OR1E1: variants seen among roughly 807,000 people sequenced by gnomAD.
The protein encoded by OR1E1 is olfactory receptor family 1 subfamily E member 1.
For synonymous variants in OR1E1, 125 were observed against 153.1 expected, an observed-to-expected ratio of 0.82 and a Z score of 1.36; for missense variants, 330 against 381.0, an observed-to-expected ratio of 0.87 and a Z score of 1.11.
chr17:3,398,060 G>T lies in OR1E1; in HGVS notation c.351C>A (p.Ala117=), dbSNP rs1470601904. 15 of 1,614,126 alleles carry T rather than the reference G, an allele frequency of 9.3e-6. No homozygotes were observed. Among genetic ancestry groups the T allele is most frequent in the Non-Finnish European group, 1.3e-5 (15 of 1,180,054 alleles). ...FGDLESFLLV[A]MAYDRYVAIC... ...TGGCCACATAGCGGTCATAGGCCAT[G>T]GCCACAAGGAGGAAGCTCTCCAGGT... Residue 117 remains alanine (A), a synonymous_variant, in exon 1 of 1, where the codon GCC becomes GCA. Coordinates refer to ENST00000322608, the MANE Select transcript of OR1E1 (RefSeq NM_003553.3).
In OR1E1 at chr17:3,398,149, G is replaced by T; in HGVS notation, c.262C>A (p.Gln88Lys). The change falls in exon 1 of 1, where the codon CAG (glutamine) becomes AAG (lysine). Residue 88 changes from glutamine to lysine, a missense_variant. Physicochemically the swap from Gln to Lys is moderately conservative, Grantham distance 53 (BLOSUM62 1). Transcript: ENST00000322608. ...IPKLLQNMQN[Q>K]DPSIPYADCL... is the part of the protein sequence containing the mutation. ...TCCGCATAGGGGATGGATGGGTCCTGGTTCTGCATGTTCTGTAACAACTTG... is the reference window on the plus strand; with the variant it reads ...TCCGCATAGGGGATGGATGGGTCCTTGTTCTGCATGTTCTGTAACAACTTG... 1 of 1,614,222 alleles carries T rather than the reference G, an allele frequency of 6.2e-7. No homozygotes were observed. Among genetic ancestry groups the T allele is most frequent in the Non-Finnish European group, 8.5e-7 (1 of 1,180,036 alleles).
rs1286248853 is a variant in OR1E1, at chr17:3,397,440, C to T, written c.*26G>A. 2.0e-6 allele frequency: 3 copies of T among 1,486,036 alleles called. No homozygotes were observed. The highest frequency in any genetic ancestry group is 2.8e-6 in the Non-Finnish European group (3 of 1,075,450). 92.1% of individuals were successfully genotyped at this position (1,486,036 alleles called of 1,614,324 possible). A position where few individuals can be genotyped will look rare whatever the true frequency, so the allele number is the denominator to read the frequency against. ...TAATATCAATATTTTACTGGATAAA[C>T]TATGTAATAGCTCCAAGTGTTATCA... On this transcript the variant is annotated 3_prime_UTR_variant, in exon 1 of 1. Transcript: ENST00000322608.
chr17:3,397,451 C>CT lies in OR1E1; in HGVS notation c.*14dup. On this transcript the variant is annotated 3_prime_UTR_variant, in exon 1 of 1. Coordinates refer to ENST00000322608, the MANE Select transcript of OR1E1 (RefSeq NM_003553.3). ...TTTTACTGGATAAACTATGTAATAG[C>CT]TCCAAGTGTTATCATCAGAGAGAGA... 1 of 1,556,948 alleles carries CT rather than the reference C, an allele frequency of 6.4e-7. No individual in the cohort carries two copies. The highest frequency in any genetic ancestry group is 8.8e-7 in the Non-Finnish European group (1 of 1,130,788).
In OR1E1 at chr17:3,398,104, AGTACATTTGG is replaced by A. The variant is rs528310555; in HGVS notation, c.297_306del (p.Gln100SerfsTer34). On this transcript the variant is annotated frameshift_variant, in exon 1 of 1. Coordinates refer to ENST00000322608, the MANE Select transcript of OR1E1 (RefSeq NM_003553.3). LOFTEE classifies it low-confidence loss of function (END_TRUNC). ...TCCAGGTCTCCAAATAACAGGAAGA[AGTACATTTGG>A]GTCAGGCAGTCCGCATAGGGGATGG... The A allele has an allele frequency of 7.6e-5, 122 of 1,614,216 alleles. 2 individuals are homozygous for A. The South Asian group carries it at 1.2e-3, about 16-fold the overall frequency.
rs2049858094 is a variant in OR1E1 at position 3,397,988 on chromosome 17, A to C, written c.423T>G (p.Cys141Trp). 1 of 1,614,118 alleles carries C rather than the reference A, an allele frequency of 6.2e-7. No homozygotes were observed. The highest frequency in any genetic ancestry group is 1.7e-5 in the Admixed American group (1 of 60,016). ...HYTAIMSPML[C>W]LALVALSWVL... ...CCCAGGACAGCGCCACCAGGGCGAG[A>C]CAGAGCATGGGGCTCATGATGGCGG... Residue 141 changes from cysteine to tryptophan, a missense_variant, in exon 1 of 1, where the codon TGT becomes TGG. Transcript: ENST00000322608.
chr17:3,398,159 G>A lies in OR1E1; in HGVS notation c.252C>T (p.Asn84=). 6.2e-7 allele frequency: 1 copy of A among 1,614,256 alleles called. No individual in the cohort carries two copies. Among genetic ancestry groups the A allele is most frequent in the Non-Finnish European group, 8.5e-7 (1 of 1,180,042 alleles). The stretch of plus-strand genomic sequence containing the variant: ...GGATGGATGGGTCCTGGTTCTGCAT[G>A]TTCTGTAACAACTTGGGAATGGTCA... ...SSVTIPKLLQ[N]MQNQDPSIPY... is the part of the protein sequence containing the mutation. The change falls in exon 1 of 1, where the codon AAC becomes AAT. Residue 84 remains asparagine (N), a synonymous_variant. Transcript: ENST00000322608.
chr17:3,397,777 G>A lies in OR1E1; in HGVS notation c.634C>T (p.Leu212=). The A allele has an allele frequency of 1.2e-6, 2 of 1,613,940 alleles. No homozygotes were observed. Among genetic ancestry groups the A allele is most frequent in the Admixed American group, 1.7e-5 (1 of 60,020 alleles). Residue 212 remains leucine (L), a synonymous_variant, in exon 1 of 1, where the codon CTA becomes TTA. Transcript: ENST00000322608. ...CTTGCATAGGACCCAAGGATGAGTAGGAATGGGATGACAAGAATGAGCCCT... is the reference window on the plus strand; with the variant it reads ...CTTGCATAGGACCCAAGGATGAGTAAGAATGGGATGACAAGAATGAGCCCT... ...MGGLILVIPF[L]LILGSYARIV...
In OR1E1 at chr17:3,397,400, A is replaced by T; in HGVS notation, c.*66T>A. On this transcript the variant is annotated 3_prime_UTR_variant, in exon 1 of 1. Coordinates refer to ENST00000322608, the MANE Select transcript of OR1E1 (RefSeq NM_003553.3). ...AAGGATGGTGAGGAAATAATTTAGA[A>T]TAATATTCCAATATTAATATCAATA... The T allele has an allele frequency of 8.5e-7, 1 of 1,172,504 alleles. No homozygotes were observed. The highest frequency in any genetic ancestry group is 1.2e-6 in the Non-Finnish European group (1 of 837,024). The allele number at this position is 1,172,504 out of a possible 1,614,324, so 72.6% of individuals were successfully genotyped here.
In OR1E1 at chr17:3,398,256, T is replaced by C. The variant is rs1432840035; in HGVS notation, c.155A>G (p.Asp52Gly). Reference sequence around the variant, plus strand: ...ATACATAGGCGTGTGGAGATGGGAGTCCAGTCGAATGAGGACAATGATGAG... The same window carrying C: ...ATACATAGGCGTGTGGAGATGGGAGCCCAGTCGAATGAGGACAATGATGAG... ...NLLIIVLIRLDSHLHTPMYLF... is the reference protein window; with the variant it reads ...NLLIIVLIRLGSHLHTPMYLF... The change falls in exon 1 of 1, where the codon GAC (aspartate) becomes GGC (glycine). Residue 52 changes from aspartate to glycine, a missense_variant. By Grantham distance (94) the Asp-to-Gly change is moderately conservative (BLOSUM62 -1). Coordinates refer to ENST00000322608, the MANE Select transcript of OR1E1 (RefSeq NM_003553.3). 1.9e-6 allele frequency: 3 copies of C among 1,613,712 alleles called. No individual in the cohort carries two copies. The African/African-American group carries it at 4.0e-5, about 22-fold the overall frequency.
chr17:3,397,201 C>G lies in OR1E1; in HGVS notation c.*265G>C. 3.0e-6 allele frequency: 1 copy of G among 333,098 alleles called. No homozygotes were observed. Among genetic ancestry groups the G allele is most frequent in the Non-Finnish European group, 5.4e-6 (1 of 184,106 alleles). 20.6% of individuals were successfully genotyped at this position (333,098 alleles called of 1,614,324 possible). A position where few individuals can be genotyped will look rare whatever the true frequency, so the allele number is the denominator to read the frequency against. On this transcript the variant is annotated 3_prime_UTR_variant, in exon 1 of 1. Transcript: ENST00000322608. ...CCTGTGATAATTTAAGAATGTGGGGCATGAAGACCATTTAAAACAGTTGTT... is the reference window on the plus strand; with the variant it reads ...CCTGTGATAATTTAAGAATGTGGGGGATGAAGACCATTTAAAACAGTTGTT...
chr17:3,398,008 T>C lies in OR1E1; in HGVS notation c.403A>G (p.Ile135Val), dbSNP rs2049858575. The C allele has an allele frequency of 1.9e-6, 3 of 1,614,072 alleles. No homozygotes were observed. The highest frequency in any genetic ancestry group is 1.3e-5 in the African/African-American group (1 of 74,926). ...AICFPLHYTA[I>V]MSPMLCLALV... ...GCGAGACAGAGCATGGGGCTCATGA[T>C]GGCGGTGTAGTGCAGGGGGAAGCAG... The change falls in exon 1 of 1, where the codon ATC (isoleucine) becomes GTC (valine). Residue 135 changes from isoleucine to valine, a missense_variant. Transcript: ENST00000322608.
At position 3,397,808 on chromosome 17, in the gene OR1E1, G is replaced by A. The variant is rs370567870; in HGVS notation, c.603C>T (p.Ile201=). The change falls in exon 1 of 1, where the codon ATC becomes ATT. Residue 201 remains isoleucine, a synonymous_variant. Coordinates refer to ENST00000322608, the MANE Select transcript of OR1E1 (RefSeq NM_003553.3). ...GGATGACAAGAATGAGCCCTCCCATGATAAATATCACCCATTCATTAACTC... is the reference window on the plus strand; with the variant it reads ...GGATGACAAGAATGAGCCCTCCCATAATAAATATCACCCATTCATTAACTC... The part of the protein sequence containing the change: ...DTRVNEWVIF[I]MGGLILVIPF... 5 of 1,613,890 alleles carry A rather than the reference G, an allele frequency of 3.1e-6. No homozygotes were observed. The highest frequency in any genetic ancestry group is 4.2e-6 in the Non-Finnish European group (5 of 1,179,904).
rs1399252046 is a variant in OR1E1 at position 3,398,179 on chromosome 17, T to G, written c.232A>C (p.Ile78Leu). The change falls in exon 1 of 1, where the codon ATT becomes CTT. Residue 78 changes from isoleucine (I) to leucine (L), a missense_variant. Ile to Leu is a conservative substitution (Grantham distance 5). Transcript: ENST00000322608. Reference sequence around the variant, plus strand: ...TGCATGTTCTGTAACAACTTGGGAATGGTCACGGAAGAGAAGCAGAGGTCA... The same window carrying G: ...TGCATGTTCTGTAACAACTTGGGAAGGGTCACGGAAGAGAAGCAGAGGTCA... ...FSDLCFSSVT[I>L]PKLLQNMQNQ... 1.9e-6 allele frequency: 3 copies of G among 1,614,200 alleles called. No homozygotes were observed. The highest frequency in any genetic ancestry group is 2.5e-6 in the Non-Finnish European group (3 of 1,180,032).
rs2049854692 is a variant in OR1E1, at chr17:3,397,682, G to A, written c.729C>T (p.Ser243=). The part of the protein sequence containing the change: ...GICKAFSTCG[S]HLSVVSLFYG... ...AGAACAGTGACACCACAGACAGGTG[G>A]GAGCCACAAGTAGAGAAGGCCTTGC... The change falls in exon 1 of 1, where the codon TCC becomes TCT. Residue 243 remains serine, a synonymous_variant. Transcript: ENST00000322608. 2.5e-6 allele frequency: 4 copies of A among 1,613,902 alleles called. No individual in the cohort carries two copies. Among genetic ancestry groups the A allele is most frequent in the East Asian group, 4.5e-5 (2 of 44,842 alleles).
Position 3,398,169 on chromosome 17 carries a change from AACTTG to A in OR1E1, c.237_241del (p.Lys80ValfsTer40). 6.8e-6 allele frequency: 11 copies of A among 1,614,224 alleles called. No individual in the cohort carries two copies. Among genetic ancestry groups the A allele is most frequent in the Non-Finnish European group, 8.5e-6 (10 of 1,180,038 alleles). On this transcript the variant is annotated frameshift_variant, in exon 1 of 1. Transcript: ENST00000322608. LOFTEE classifies it low-confidence loss of function (END_TRUNC). ...GTCCTGGTTCTGCATGTTCTGTAAC[AACTTG>A]GGAATGGTCACGGAAGAGAAGCAGA...
In OR1E1 at chr17:3,398,077, T is replaced by C. The variant is rs776700725; in HGVS notation, c.334A>G (p.Ser112Gly). Reference sequence around the variant, plus strand: ...TAGGCCATGGCCACAAGGAGGAAGCTCTCCAGGTCTCCAAATAACAGGAAG... The same window carrying C: ...TAGGCCATGGCCACAAGGAGGAAGCCCTCCAGGTCTCCAAATAACAGGAAG... ...YFFLLFGDLESFLLVAMAYDR... is the reference protein window; with the variant it reads ...YFFLLFGDLEGFLLVAMAYDR... Residue 112 changes from serine to glycine, a missense_variant, in exon 1 of 1, where the codon AGC (serine) becomes GGC (glycine). Coordinates refer to ENST00000322608, the MANE Select transcript of OR1E1 (RefSeq NM_003553.3). The C allele has an allele frequency of 6.2e-7, 1 of 1,613,954 alleles. No individual in the cohort carries two copies. Among genetic ancestry groups the C allele is most frequent in the East Asian group, 2.2e-5 (1 of 44,884 alleles).
chr17:3,398,112 T>G lies in OR1E1; in HGVS notation c.299A>C (p.Gln100Pro). The change falls in exon 1 of 1, where the codon CAA (glutamine) becomes CCA (proline). Residue 100 changes from glutamine (Q) to proline (P), a missense_variant. Transcript: ENST00000322608. ...TCCAAATAACAGGAAGAAGTACATT[T>G]GGGTCAGGCAGTCCGCATAGGGGAT... ...PSIPYADCLT[Q>P]MYFFLLFGDL... 1.2e-6 allele frequency: 2 copies of G among 1,613,934 alleles called. No individual in the cohort carries two copies. The highest frequency in any genetic ancestry group is 1.7e-6 in the Non-Finnish European group (2 of 1,180,030).
chr17:3,397,306 G>T lies in OR1E1; in HGVS notation c.*160C>A. 1 of 617,522 alleles carries T rather than the reference G, an allele frequency of 1.6e-6. No individual in the cohort carries two copies. The highest frequency in any genetic ancestry group is 2.8e-6 in the Non-Finnish European group (1 of 363,384). 38.3% of individuals were successfully genotyped at this position (617,522 alleles called of 1,614,324 possible). ...CAGGTCACCAAGACCCTCTTCCCTA[G>T]TTCAACTACTCAGCTATGCTTCATC... On this transcript the variant is annotated 3_prime_UTR_variant, in exon 1 of 1. Transcript: ENST00000322608.
rs2049851651 is a variant in OR1E1 at position 3,397,418 on chromosome 17, T to C, written c.*48A>G. 4 of 1,282,432 alleles carry C rather than the reference T, an allele frequency of 3.1e-6. No homozygotes were observed. Among genetic ancestry groups the C allele is most frequent in the Admixed American group, 2.2e-5 (1 of 45,452 alleles). 79.4% of individuals were successfully genotyped at this position (1,282,432 alleles called of 1,614,324 possible). On this transcript the variant is annotated 3_prime_UTR_variant, in exon 1 of 1. Transcript: ENST00000322608. Reference sequence around the variant, plus strand: ...ATTTAGAATAATATTCCAATATTAATATCAATATTTTACTGGATAAACTAT... The same window carrying C: ...ATTTAGAATAATATTCCAATATTAACATCAATATTTTACTGGATAAACTAT...
Sources: allele counts gnomAD v4.1 joint callset, GRCh38; gene constraint gnomAD v4.1.1; transcripts MANE v1.5; gene names NCBI Gene and HGNC (gene_info 2026-07-23, HGNC 2026-07-21).